Variants in ZNF232 observed in about 807,000 individuals in gnomAD.
ZNF232 encodes zinc finger protein 232.
ZNF232 carries 25 observed loss-of-function variants against 25.2 expected under a neutral mutation model. That is an observed-to-expected ratio of 0.99 (90% CI 0.72 to 1.39). The LOEUF is 1.39. Among genes scored for constraint, ZNF232 ranks in the 40% most tolerant of loss-of-function variants. The probability of loss-of-function intolerance (pLI) is 0.00; values close to 1 mark genes in which losing one functional copy is unlikely to be tolerated. For missense variants in ZNF232, 519 were observed against 520.9 expected, an observed-to-expected ratio of 1.00 and a Z score of 0.04; for synonymous variants, 193 against 182.9, an observed-to-expected ratio of 1.06 and a Z score of -0.45.
chr17:5,122,099 CAGGG>C (rs1321388509), intron 1 of ZNF232, among the ~76,000 whole-genome samples: 1 of 138,668 alleles, frequency 7.2e-6, no homozygotes, highest in Non-Finnish European at 1.5e-5. Flanking sequence ...GGGGCTGGAG[CAGGG>C]AGTGTGGCCA....
At chr17:5,110,994 T>G (rs2072393675) in intron 1 of ZNF232, 1 of 152,258 alleles carries the variant, frequency 6.6e-6, no homozygotes, top group African/African-American at 2.4e-5. Flanking sequence ...ATCCACATGT[T>G]GCACGTGAAA....
At chr17:5,111,808 A>T in exon 1 of ZNF232, 1 of 1,613,860 alleles carries the variant, frequency 6.2e-7, no homozygotes, top group Non-Finnish European at 8.5e-7. Flanking sequence ...ACCTCACAGG[A>T]CCAGGAGGTT....
At chr17:5,122,833 T>C (rs1171923979) in intron 1 of ZNF232, 2 of 152,276 alleles carry the variant, frequency 1.3e-5, no homozygotes, top group Non-Finnish European at 2.9e-5. Flanking sequence ...CACTGAGCTC[T>C]TAGAGGTCTG....
chr17:5,108,514 C>G (rs7226115), intron 3 of ZNF232, among the ~76,000 whole-genome samples: 151,774 of 151,780 alleles, frequency 1, 75,884 homozygotes, highest in Non-Finnish European at 1. Flanking sequence ...GAGGCCTCAG[C>G]GAGTTTAAAA....
chr17:5,107,089 A>G (rs73331356), intron 3 of ZNF232, among the ~76,000 whole-genome samples: 2,904 of 151,744 alleles, frequency 0.019, 100 homozygotes, highest in African/African-American at 0.059. Flanking sequence ...CTTCCTTAAA[A>G]AGGGAAAAAG....
intron 1 of ZNF232, among the ~76,000 whole-genome samples, chr17:5,122,143 G>A (rs567666636): frequency 2.6e-5 from 4 of 150,956 alleles, no homozygotes; most frequent in East Asian, 3.9e-4. Flanking sequence ...AGGGTGGGTC[G>A]GTGGGGTGGC....
intron 1 of ZNF232, among the ~76,000 whole-genome samples, chr17:5,118,465 G>T (rs1021923288): frequency 2.0e-5 from 3 of 152,266 alleles, no homozygotes; most frequent in African/African-American, 7.2e-5. Flanking sequence ...CCCAAGTGGG[G>T]GTGCCTGTGA....
intron 3 of ZNF232, among the ~76,000 whole-genome samples, chr17:5,108,563 CAG>C (rs1200391943): frequency 1.3e-5 from 2 of 150,886 alleles, no homozygotes; most frequent in African/African-American, 4.9e-5. Context: ...TAGCTCAGGG[CAG>C]AGTTATTATA....
exon 2 of ZNF232, chr17:5,109,579 A>C (rs117313357): frequency 6.2e-7 from 1 of 1,614,224 alleles, no homozygotes; most frequent in East Asian, 2.2e-5. Context: ...AGCCACTCAC[A>C]GCAGAGTACT....
At chr17:5,111,033 T>A (rs1347175575) in intron 1 of ZNF232, 3 of 152,244 alleles carry the variant, frequency 2.0e-5, no homozygotes, top group African/African-American at 7.2e-5. Context: ...ATTTGTCTCG[T>A]GCTCAGTAAA....
chr17:5,111,598 C>T, intron 1 of ZNF232: 3 of 707,730 alleles, frequency 4.2e-6, no homozygotes, highest in Non-Finnish European at 6.9e-6. Flanking sequence ...AGAAGAGGAA[C>T]ATCAAGACCC....
chr17:5,115,411 C>T (rs180867652), upstream of ZNF232, among the ~76,000 whole-genome samples: 10 of 151,942 alleles, frequency 6.6e-5, no homozygotes, highest in Non-Finnish European at 1.2e-4. Context: ...ATTAGCCTGG[C>T]GTGGTGGGGG....
rs146087842 is a variant in ZNF232 at position 5,109,758 on chromosome 17, C to T, written c.134G>A (p.Gly45Glu). The stretch of plus-strand genomic sequence containing the variant: ...TCCCATCATCATCATCTTCTCTTGT[C>T]CCTGTGTACCCTGAAGGGCCAGAGT... The change falls in exon 2 of 4, where the codon GGA becomes GAA. Residue 45 changes from glycine to glutamate, a missense_variant. Physicochemically the swap from Gly to Glu is moderately conservative, Grantham distance 98. Transcript: ENST00000575898. 1.1e-4 allele frequency: 179 copies of T among 1,614,066 alleles called. No homozygotes were observed. Among genetic ancestry groups the T allele is most frequent in the Admixed American group, 3.2e-4 (19 of 60,002 alleles).
chr17:5,111,980 G>A, upstream of ZNF232: 4 of 1,109,256 alleles, frequency 3.6e-6, no homozygotes, highest in Non-Finnish European at 5.0e-6. Context: ...CTGCCGAGAG[G>A]CTGGGAGCCC....
chr17:5,116,101 G>A (rs544453382), upstream of ZNF232, among the ~76,000 whole-genome samples: 20 of 152,322 alleles, frequency 1.3e-4, 1 homozygote, highest in Admixed American at 1.0e-3. Context: ...CGCTGTGGGA[G>A]CTCGTCTCCA....
upstream of ZNF232, among the ~76,000 whole-genome samples, chr17:5,115,697 G>A (rs958295788): frequency 6.6e-6 from 1 of 152,194 alleles, no homozygotes; most frequent in African/African-American, 2.4e-5. Flanking sequence ...TTCGTTTTTA[G>A]AGTGTCAGAA....
At chr17:5,109,604 G>C in exon 2 of ZNF232, 1 of 1,614,206 alleles carries the variant, frequency 6.2e-7, no homozygotes, top group East Asian at 2.2e-5. Flanking sequence ...GTTGGCTCAA[G>C]GCCTCCCGGG....
chr17:5,115,810 C>T (rs2072521623), upstream of ZNF232, among the ~76,000 whole-genome samples: 1 of 152,224 alleles, frequency 6.6e-6, no homozygotes, highest in African/African-American at 2.4e-5. Flanking sequence ...GCCTCATGCG[C>T]GGACTGGCGG....
At chr17:5,110,176 G>A (rs551838590) in intron 1 of ZNF232, among the ~76,000 whole-genome samples, 41 of 147,138 alleles carry the variant, frequency 2.8e-4, no homozygotes, top group African/African-American at 9.8e-4. Flanking sequence ...ACAGGCATGA[G>A]CCACCGCGCC....
Sources: gnomAD v4.1 joint callset for allele counts (sites outside exome capture counted in the v4.1 genomes callset) on GRCh38, gnomAD v4.1.1 for gene constraint, MANE v1.5 for transcripts, NCBI Gene and HGNC (gene_info 2026-07-23, HGNC 2026-07-21) for gene names.